Variants in DPT observed in about 807,000 individuals in gnomAD.
DPT encodes tyrosine-rich acidic matrix protein.
DPT carries 21 observed loss-of-function variants against 31.2 expected under a neutral mutation model. The observed-to-expected ratio is 0.67, with a 90% CI of 0.48 to 0.97. The LOEUF is 0.97. Among genes scored for constraint, DPT ranks in the 50% least tolerant of loss-of-function variants. DPT has a pLI of 0.00. For synonymous variants in DPT, 91 were observed against 86.9 expected, an observed-to-expected ratio of 1.05 and a Z score of -0.26; for missense variants, 262 against 258.8, an observed-to-expected ratio of 1.01 and a Z score of -0.08.
At chr1:168,697,206 G>A (rs1432210869) in intron 3 of DPT, among the ~76,000 whole-genome samples, 1 of 152,150 alleles carries the variant, frequency 6.6e-6, no homozygotes, top group East Asian at 1.9e-4. Context: ...TGAAGCTGCA[G>A]TGAACCGAGA....
At chr1:168,708,892 T>C (rs1204983455) in intron 2 of DPT, among the ~76,000 whole-genome samples, 1 of 152,198 alleles carries the variant, frequency 6.6e-6, no homozygotes, top group Non-Finnish European at 1.5e-5. Flanking sequence ...AATTAAAGAT[T>C]AGCTTTGACT....
Position 168,726,089 on chromosome 1 carries a change from A to G in DPT, c.305+2781T>C, listed in dbSNP as rs1301495891. Among the ~76,000 whole-genome samples, 3 of 152,124 alleles carry G rather than the reference A, an allele frequency of 2.0e-5. No homozygotes were observed. In the East Asian group the frequency reaches 5.8e-4, roughly 29 times the overall value. On this transcript the variant is annotated intron_variant, in intron 1 of 3. Coordinates refer to ENST00000367817, the MANE Select transcript of DPT (RefSeq NM_001937.5). ...GGGGCAGCTGGATCTTATTGTAAAG[A>G]AGTTGTTTTGCATGTTTGTGAGTTT... is the stretch of plus-strand genomic sequence containing the variant.
intron 2 of DPT, among the ~76,000 whole-genome samples, chr1:168,710,489 A>G (rs750540927): frequency 5.3e-5 from 8 of 152,226 alleles, no homozygotes; most frequent in Admixed American, 3.3e-4. Flanking sequence ...TCAGAGTGGC[A>G]AAGTCATTGC....
At chr1:168,728,759 G>T in intron 1 of DPT, 111 bp downstream of exon 1, 1 of 1,364,686 alleles carries the variant, frequency 7.3e-7, no homozygotes, top group Non-Finnish European at 1.0e-6. Flanking sequence ...TTTGGGGTGG[G>T]ATTTGCCCAG....
chr1:168,710,817 C>A (rs1649837249), intron 2 of DPT, among the ~76,000 whole-genome samples: 1 of 152,068 alleles, frequency 6.6e-6, no homozygotes, highest in African/African-American at 2.4e-5. Flanking sequence ...AAAGACCTGT[C>A]TTTTTCAGGT....
intron 1 of DPT, among the ~76,000 whole-genome samples, chr1:168,717,953 T>C (rs1175040232): frequency 6.6e-6 from 1 of 152,256 alleles, no homozygotes; most frequent in Non-Finnish European, 1.5e-5. Context: ...TCTATCCTAA[T>C]TCTTAGTAAA....
chr1:168,711,696 C>A (rs968287347), intron 2 of DPT, among the ~76,000 whole-genome samples: 8 of 152,198 alleles, frequency 5.3e-5, no homozygotes. Flanking sequence ...CTTTGAATGT[C>A]CTGTTAGTTG....
chr1:168,728,546 T>C (rs1334311818), intron 1 of DPT, among the ~76,000 whole-genome samples: 1 of 152,204 alleles, frequency 6.6e-6, no homozygotes, highest in Non-Finnish European at 1.5e-5. Context: ...TCTGTACATA[T>C]CTTTTGGTAG....
chr1:168,699,611 G>T (rs1210137118), intron 3 of DPT, among the ~76,000 whole-genome samples: 3 of 142,414 alleles, frequency 2.1e-5, no homozygotes, highest in African/African-American at 8.0e-5. Flanking sequence ...AAAAAAAAAA[G>T]AAATTCTAGG....
chr1:168,725,249 CTTTCT>C (rs997394382), intron 1 of DPT, among the ~76,000 whole-genome samples: 2 of 149,142 alleles, frequency 1.3e-5, no homozygotes, highest in African/African-American at 5.0e-5. Flanking sequence ...CTTTCCTTTC[CTTTCT>C]CTTTCCCTTC....
chr1:168,720,104 A>G (rs1034448822), intron 1 of DPT, among the ~76,000 whole-genome samples: 4 of 151,754 alleles, frequency 2.6e-5, no homozygotes, highest in Admixed American at 1.3e-4. Flanking sequence ...AGCAGACATG[A>G]GTTCTAGTCC....
Position 168,702,698 on chromosome 1 carries a change from G to A in DPT, c.432-1574C>T, listed in dbSNP as rs536063306. On this transcript the variant is annotated intron_variant, in intron 2 of 3. Transcript: ENST00000367817. ...GCAATCTCGGCTCACTGCAACTTCC[G>A]CCTCCTGGGTTCAAGTGATTCTCCT... is the stretch of plus-strand genomic sequence containing the variant. Among the ~76,000 whole-genome samples, 4 of 143,740 alleles carry A rather than the reference G, an allele frequency of 2.8e-5. No individual in the cohort carries two copies. The South Asian group carries it at 6.6e-4, about 24-fold the overall frequency. The allele number at this position is 143,740 out of a possible 152,430, so 94.3% of individuals were successfully genotyped here.
chr1:168,712,574 A>G (rs1175175977), intron 2 of DPT, among the ~76,000 whole-genome samples: 1 of 152,220 alleles, frequency 6.6e-6, no homozygotes, highest in African/African-American at 2.4e-5. Context: ...CATTCTGTTA[A>G]TAGACCAGGA....
chr1:168,711,912 A>C (rs1649874334), intron 2 of DPT, among the ~76,000 whole-genome samples: 1 of 152,250 alleles, frequency 6.6e-6, no homozygotes, highest in Admixed American at 6.5e-5. Context: ...GGCATATGTC[A>C]GCACAAAGAT....
chr1:168,696,146 C>T lies in DPT; in HGVS notation c.*403G>A. ...TCAAACAGGCTTAGCTGTAGAGAAC[C>T]TTCACTGCACCTCTCCTCCAGTTCT... is the stretch of plus-strand genomic sequence containing the variant. On this transcript the variant is annotated 3_prime_UTR_variant, in exon 4 of 4. Coordinates refer to ENST00000367817, the MANE Select transcript of DPT (RefSeq NM_001937.5). 2.4e-6 allele frequency: 1 copy of T among 413,714 alleles called. No homozygotes were observed. Among genetic ancestry groups the T allele is most frequent in the Non-Finnish European group, 4.3e-6 (1 of 235,008 alleles). 25.6% of individuals were successfully genotyped at this position (413,714 alleles called of 1,614,324 possible). A position where few individuals can be genotyped will look rare whatever the true frequency, so the allele number is the denominator to read the frequency against.
intron 3 of DPT, among the ~76,000 whole-genome samples, chr1:168,698,971 G>A (rs1418839389): frequency 3.3e-5 from 5 of 152,082 alleles, no homozygotes; most frequent in African/African-American, 1.2e-4. Flanking sequence ...TTTTATTTTG[G>A]GGGGAGGATA....
chr1:168,712,757 T>A (rs984393729), intron 2 of DPT, among the ~76,000 whole-genome samples: 8 of 152,208 alleles, frequency 5.3e-5, no homozygotes, highest in African/African-American at 1.7e-4. Context: ...TGAAAGATCT[T>A]CTAGTCCTTG....
In DPT at chr1:168,720,892, G is replaced by A. The variant is rs73032087; in HGVS notation, c.306-6546C>T. Among the ~76,000 whole-genome samples the A allele has an allele frequency of 1.3e-3, 191 of 152,238 alleles. 1 individual carries two copies. Among genetic ancestry groups the A allele is most frequent in the African/African-American group, 4.3e-3 (179 of 41,522 alleles). ...GTTGCTATCAGGCATTTATAAAAAGGCCCACAGAATTTTAGAATGTTCATT... is the reference window on the plus strand; with the variant it reads ...GTTGCTATCAGGCATTTATAAAAAGACCCACAGAATTTTAGAATGTTCATT... On this transcript the variant is annotated intron_variant, in intron 1 of 3. Transcript: ENST00000367817.
chr1:168,726,492 G>A (rs958972874), intron 1 of DPT, among the ~76,000 whole-genome samples: 2 of 152,192 alleles, frequency 1.3e-5, no homozygotes, highest in Non-Finnish European at 2.9e-5. Flanking sequence ...AGATCATGCA[G>A]CCTGACTGCT....
Sources: gnomAD v4.1 joint callset for allele counts (sites outside exome capture counted in the v4.1 genomes callset) on GRCh38, gnomAD v4.1.1 for gene constraint, MANE v1.5 for transcripts, NCBI Gene and HGNC (gene_info 2026-07-23, HGNC 2026-07-21) for gene names.